ADGRV1: variants seen among roughly 807,000 people sequenced by gnomAD.
The protein encoded by ADGRV1 is G-protein coupled receptor 98.
ADGRV1 carries 359 observed loss-of-function variants against 596.2 expected under a neutral mutation model. The ratio of observed to expected loss-of-function variants is 0.60; its 90% CI spans 0.55 to 0.66. ADGRV1 has a LOEUF of 0.66. ADGRV1 is among the 30% of genes least tolerant of loss of function. ADGRV1 has a pLI of 0.00. For missense variants in ADGRV1, 7,274 were observed against 7,575.6 expected, an observed-to-expected ratio of 0.96 and a Z score of 1.48; for synonymous variants, 2,681 against 2,679.2, an observed-to-expected ratio of 1.00 and a Z score of -0.02.
In ADGRV1 at chr5:90,627,742, A is replaced by C; in HGVS notation, c.1204A>C (p.Arg402=). The C allele has an allele frequency of 1.9e-6, 3 of 1,581,304 alleles. No individual in the cohort carries two copies. The South Asian group carries it at 3.5e-5, about 19-fold the overall frequency. ...VLSFNSVLFE[R]TVIIDEDRIS... is the part of the protein sequence containing the mutation. ...TTCATTCAACAGTGTTTTGTTTGAAAGGACAGTTATAATTGATGAAGATAG... is the reference window on the plus strand; with the variant it reads ...TTCATTCAACAGTGTTTTGTTTGAACGGACAGTTATAATTGATGAAGATAG... The change falls in exon 7 of 90, where the codon AGG becomes CGG. Residue 402 remains arginine, a synonymous_variant. Coordinates refer to ENST00000405460, the MANE Select transcript of ADGRV1 (RefSeq NM_032119.4).
intron 83 of ADGRV1, among the ~76,000 whole-genome samples, chr5:90,909,883 C>A (rs73771119): frequency 0.15 from 22,897 of 152,010 alleles, 2,427 homozygotes; most frequent in East Asian, 0.48. Context: ...AACAAAAAAA[C>A]CAAACATTTA....
Position 91,043,047 on chromosome 5 carries a change from C to T in ADGRV1, c.18153-29400C>T, listed in dbSNP as rs77637905. Among the ~76,000 whole-genome samples, 884 of 152,176 alleles carry T rather than the reference C, an allele frequency of 5.8e-3. 7 individuals are homozygous for T. The highest frequency in any genetic ancestry group is 0.021 in the African/African-American group (856 of 41,530). On this transcript the variant is annotated intron_variant, in intron 85 of 89. Coordinates refer to ENST00000405460, the MANE Select transcript of ADGRV1 (RefSeq NM_032119.4). ...TCTGAGCTTTGTATGGTTGCTTTAT[C>T]CCCAGTTCACTGTGTATCAGCAATT...
chr5:90,598,618 A>C (rs997687713), intron 1 of ADGRV1, among the ~76,000 whole-genome samples: 7 of 152,162 alleles, frequency 4.6e-5, no homozygotes, highest in Admixed American at 1.3e-4. Context: ...CAGGTACCGG[A>C]GCTCAGTGGC....
intron 1 of ADGRV1, among the ~76,000 whole-genome samples, chr5:90,561,029 A>G (rs574143160): frequency 1.7e-4 from 26 of 152,322 alleles, no homozygotes; most frequent in African/African-American, 6.0e-4. Context: ...ATGATGAATC[A>G]TAATAGTATG....
chr5:90,884,794 G>C (rs1216176154), intron 83 of ADGRV1, among the ~76,000 whole-genome samples: 1 of 152,128 alleles, frequency 6.6e-6, no homozygotes, highest in African/African-American at 2.4e-5. Flanking sequence ...ACCTGCCTAG[G>C]ACTGTCCTGG....
chr5:90,783,836 A>G lies in ADGRV1; in HGVS notation c.13434-2A>G, dbSNP rs746923719. 2 of 1,598,114 alleles carry G rather than the reference A, an allele frequency of 1.3e-6. No homozygotes were observed. Among genetic ancestry groups the G allele is most frequent in the East Asian group, 4.5e-5 (2 of 44,556 alleles). ...ACAGAATTGCTCCTTCTTGCCATGC[A>G]GTGAATTTGAGGAGCCCATTGAAAT... On this transcript the variant is annotated splice_acceptor_variant, in intron 66 of 89. Coordinates refer to ENST00000405460, the MANE Select transcript of ADGRV1 (RefSeq NM_032119.4). LOFTEE classifies it high-confidence loss of function.
rs766336375 is a variant in ADGRV1 at position 90,756,043 on chromosome 5, T to A, written c.11581-411T>A. On this transcript the variant is annotated intron_variant, in intron 55 of 89. Transcript: ENST00000405460. The stretch of plus-strand genomic sequence containing the variant: ...ATGCAAAAACAAAGTAAGAAATTTT[T>A]AAAAATTAAATATAGGCTTATATCT... Among the ~76,000 whole-genome samples the A allele has an allele frequency of 5.3e-5, 8 of 151,856 alleles. 1 individual carries two copies. Among genetic ancestry groups the A allele is most frequent in the African/African-American group, 1.7e-4 (7 of 41,526 alleles).
In ADGRV1 at chr5:90,763,398, C is replaced by G. The variant is rs1462320200; in HGVS notation, c.12214C>G (p.Leu4072Val). ...CCCAGGAGGAAAAGGAACCGTCCGA[C>G]TTGAGTGGACCATAGATGAGAAGGC... is the stretch of plus-strand genomic sequence containing the variant. ...RSPGGKGTVR[L>V]EWTIDEKAKH... Residue 4072 changes from leucine (L) to valine (V), a missense_variant, in exon 59 of 90, where the codon CTT becomes GTT. Around this residue, in one of 5 missense-constraint regions of ADGRV1, gnomAD observed 3,643 missense variants for 3,809.2 expected, o/e 0.96. Coordinates refer to ENST00000405460, the MANE Select transcript of ADGRV1 (RefSeq NM_032119.4). 6.2e-7 allele frequency: 1 copy of G among 1,613,548 alleles called. No individual in the cohort carries two copies. Among genetic ancestry groups the G allele is most frequent in the Non-Finnish European group, 8.5e-7 (1 of 1,179,630 alleles).
At position 90,833,100 on chromosome 5, in the gene ADGRV1, C is replaced by T. The variant is rs963889250; in HGVS notation, c.16611+3914C>T. ...GGCTATTCTGAGTCTTTTGTAGTTC[C>T]ATTTAAGATTATTTTTCCTATTTCT... On this transcript the variant is annotated intron_variant, in intron 77 of 89. Coordinates refer to ENST00000405460, the MANE Select transcript of ADGRV1 (RefSeq NM_032119.4). Among the ~76,000 whole-genome samples the T allele has an allele frequency of 5.9e-5, 9 of 152,110 alleles. 1 individual carries two copies. The East Asian group carries it at 1.4e-3, about 23-fold the overall frequency.
At chr5:91,006,786 A>T (rs1782317099) in intron 85 of ADGRV1, among the ~76,000 whole-genome samples, 1 of 152,186 alleles carries the variant, frequency 6.6e-6, no homozygotes, top group Non-Finnish European at 1.5e-5. Context: ...GGGTATGATA[A>T]TTGGAAGCAT....
intron 83 of ADGRV1, among the ~76,000 whole-genome samples, chr5:90,876,627 T>A (rs1481174142): frequency 6.6e-6 from 1 of 152,238 alleles, no homozygotes; most frequent in Non-Finnish European, 1.5e-5. Context: ...GAATTGCTCT[T>A]TGACAACCTT....
At chr5:90,747,889 C>T (rs963730272) in intron 52 of ADGRV1, among the ~76,000 whole-genome samples, 4 of 152,124 alleles carry the variant, frequency 2.6e-5, no homozygotes, top group African/African-American at 9.7e-5. Context: ...CCTGCATAAG[C>T]CCATTAGCAT....
At chr5:90,789,984 A>G in intron 69 of ADGRV1, 133 bp downstream of exon 69, 4 of 541,122 alleles carry the variant, frequency 7.4e-6, no homozygotes, top group Non-Finnish European at 1.2e-5. Flanking sequence ...TCAGAGAAAC[A>G]GAGGCTTTAT....
At chr5:90,573,781 A>C (rs187270305) in intron 1 of ADGRV1, among the ~76,000 whole-genome samples, 91 of 152,202 alleles carry the variant, frequency 6.0e-4, no homozygotes, top group Non-Finnish European at 1.6e-4. Flanking sequence ...ACTGGGCATT[A>C]AGTAAAAATT....
At chr5:90,603,068 C>T (rs1336067061) in intron 1 of ADGRV1, among the ~76,000 whole-genome samples, 1 of 152,122 alleles carries the variant, frequency 6.6e-6, no homozygotes, top group Non-Finnish European at 1.5e-5. Flanking sequence ...GTACTGTTCT[C>T]CTTCTCTGAG....
At chr5:90,867,179 T>C (rs1159286193) in intron 83 of ADGRV1, among the ~76,000 whole-genome samples, 2 of 152,068 alleles carry the variant, frequency 1.3e-5, no homozygotes. Flanking sequence ...CCTCCAAATC[T>C]AAAAAAAGAA....
chr5:90,975,046 G>A (rs528804826), intron 84 of ADGRV1, among the ~76,000 whole-genome samples: 72 of 152,212 alleles, frequency 4.7e-4, no homozygotes, highest in African/African-American at 1.7e-3. Context: ...CGAAGGATAT[G>A]AACAGACACT....
chr5:90,807,972 G>T (rs567471044), intron 73 of ADGRV1, among the ~76,000 whole-genome samples: 40 of 152,248 alleles, frequency 2.6e-4, no homozygotes, highest in African/African-American at 8.7e-4. Flanking sequence ...ATGGGGTCTG[G>T]GGTACCATCT....
chr5:91,150,377 A>G (rs1375780824), intron 88 of ADGRV1, among the ~76,000 whole-genome samples, 156 bp downstream of exon 88: 3 of 152,126 alleles, frequency 2.0e-5, no homozygotes, highest in African/African-American at 7.2e-5. Context: ...TTAAATCAAG[A>G]TGAATCACAC....
Sources: gnomAD v4.1 joint callset for allele counts (sites outside exome capture counted in the v4.1 genomes callset) on GRCh38, gnomAD v4.1.1 for gene constraint, gnomAD v4.1.1 regional missense constraint, MANE v1.5 for transcripts, NCBI Gene and HGNC (gene_info 2026-07-23, HGNC 2026-07-21) for gene names.